The following GALNTL6 variants were observed in gnomAD, a reference collection of about 807,000 sequenced individuals.
GALNTL6 encodes polypeptide N-acetylgalactosaminyltransferase-like 6.
Under a neutral mutation model 73.7 loss-of-function variants are expected in GALNTL6, and 46 were observed. The ratio of observed to expected loss-of-function variants is 0.62; its 90% CI spans 0.49 to 0.80. The LOEUF is 0.80. Ranked by LOEUF, GALNTL6 falls within the 30% of genes least tolerant of loss-of-function variation. GALNTL6 has a pLI of 0.00. For synonymous variants in GALNTL6, 259 were observed against 263.7 expected, an observed-to-expected ratio of 0.98 and a Z score of 0.17; for missense variants, 604 against 755.0, an observed-to-expected ratio of 0.80 and a Z score of 2.34.
chr4:173,000,315 T>C (rs1416834815), intron 10 of GALNTL6, among the ~76,000 whole-genome samples: 1 of 152,206 alleles, frequency 6.6e-6, no homozygotes, highest in Non-Finnish European at 1.5e-5. Flanking sequence ...CTACATTATA[T>C]GTCTCCCGAA....
chr4:171,948,029 A>G (rs556360925), intron 2 of GALNTL6, among the ~76,000 whole-genome samples: 1 of 152,298 alleles, frequency 6.6e-6, no homozygotes, highest in Non-Finnish European at 1.5e-5. Context: ...ACAAGGTTTC[A>G]CTATTTCATT....
chr4:172,665,422 G>A (rs192509761), intron 5 of GALNTL6, among the ~76,000 whole-genome samples: 22 of 152,290 alleles, frequency 1.4e-4, no homozygotes, highest in Admixed American at 6.5e-4. Context: ...AAGGCACACA[G>A]CCATGGTTAA....
intron 2 of GALNTL6, among the ~76,000 whole-genome samples, chr4:171,938,415 C>T (rs928897091): frequency 6.6e-6 from 1 of 152,074 alleles, no homozygotes; most frequent in African/African-American, 2.4e-5. Flanking sequence ...CATTTCTGTG[C>T]AATGCCCCAA....
chr4:172,791,629 T>A (rs1245411479), intron 5 of GALNTL6, among the ~76,000 whole-genome samples: 5 of 151,958 alleles, frequency 3.3e-5, no homozygotes, highest in Non-Finnish European at 7.4e-5. Flanking sequence ...GAGTAAGAAG[T>A]GGGGAAGAAA....
intron 5 of GALNTL6, among the ~76,000 whole-genome samples, chr4:172,500,330 A>G (rs1223372080): frequency 6.6e-6 from 1 of 152,174 alleles, no homozygotes; most frequent in African/African-American, 2.4e-5. Context: ...CTGAGACAGG[A>G]GGATGGCTTG....
chr4:172,000,000 T>A (rs1460078388), intron 2 of GALNTL6, among the ~76,000 whole-genome samples: 1 of 152,124 alleles, frequency 6.6e-6, no homozygotes, highest in Non-Finnish European at 1.5e-5. Flanking sequence ...AAGTTTTCTT[T>A]TGGAGAATTA....
At chr4:172,409,421 C>G (rs1223414285) in intron 5 of GALNTL6, among the ~76,000 whole-genome samples, 1 of 151,870 alleles carries the variant, frequency 6.6e-6, no homozygotes, top group Non-Finnish European at 1.5e-5. Context: ...TTTTGTAATG[C>G]ATGCTACTAC....
At position 172,809,454 on chromosome 4, in the gene GALNTL6, G is replaced by A. The variant is rs189797609; in HGVS notation, c.647G>A (p.Arg216His). Reference protein sequence around the residue: ...TKKREGLIRTRLLGASMARGE... With the variant: ...TKKREGLIRTHLLGASMARGE... Reference sequence around the variant, plus strand: ...AAAAGAGAAGGACTCATCCGGACCCGTCTCCTGGGGGCATCTATGGCCAGA... The same window carrying A: ...AAAAGAGAAGGACTCATCCGGACCCATCTCCTGGGGGCATCTATGGCCAGA... Residue 216 changes from arginine to histidine, a missense_variant, in exon 6 of 13, where the codon CGT (arginine) becomes CAT (histidine). This residue lies in a region of GALNTL6 where 179 missense variants were observed against 230.8 expected (regional missense o/e 0.78). Coordinates refer to ENST00000506823, the MANE Select transcript of GALNTL6 (RefSeq NM_001034845.3). The surrounding 1 kb of genome is among the most constrained non-coding windows in gnomAD (Gnocchi z 4.4). 5.6e-6 allele frequency: 9 copies of A among 1,613,664 alleles called. No individual in the cohort carries two copies. Among genetic ancestry groups the A allele is most frequent in the Non-Finnish European group, 7.6e-6 (9 of 1,179,816 alleles).
chr4:172,461,203 A>G (rs1453000693), intron 5 of GALNTL6, among the ~76,000 whole-genome samples: 4 of 150,994 alleles, frequency 2.6e-5, no homozygotes, highest in Non-Finnish European at 5.9e-5. Flanking sequence ...AAGATCACAC[A>G]CTGGGACCTG....
At chr4:172,223,257 G>A (rs887204420) in intron 2 of GALNTL6, among the ~76,000 whole-genome samples, 2 of 152,002 alleles carry the variant, frequency 1.3e-5, no homozygotes, top group Admixed American at 6.6e-5. Context: ...AATTTATTCA[G>A]AATGTAAATA....
chr4:173,028,013 GA>G (rs769804130), intron 12 of GALNTL6, among the ~76,000 whole-genome samples: 8 of 152,090 alleles, frequency 5.3e-5, no homozygotes, highest in Non-Finnish European at 7.4e-5. Flanking sequence ...GCATCACTAA[GA>G]AAAATCTTAA....
At chr4:171,948,975 A>G (rs1363478346) in intron 2 of GALNTL6, among the ~76,000 whole-genome samples, 5 of 151,992 alleles carry the variant, frequency 3.3e-5, no homozygotes. Context: ...ACACACACAC[A>G]CACACACACA....
At chr4:172,096,084 C>CGGTGTGTGTGTGTG (rs1553992000) in intron 2 of GALNTL6, among the ~76,000 whole-genome samples, 2 of 147,078 alleles carry the variant, frequency 1.4e-5, no homozygotes, top group African/African-American at 5.0e-5. Context: ...CTCTCTCTTT[C>CGGTGTGTGTGTGTG]TGTGTGTGTG....
intron 7 of GALNTL6, among the ~76,000 whole-genome samples, chr4:172,828,778 T>C (rs568291830): frequency 4.1e-4 from 62 of 152,320 alleles, no homozygotes; most frequent in African/African-American, 1.4e-3. Flanking sequence ...AAGTCCACGC[T>C]GGCAATCTGG....
intron 5 of GALNTL6, among the ~76,000 whole-genome samples, chr4:172,516,162 G>T (rs1161518481): frequency 6.6e-6 from 1 of 152,102 alleles, no homozygotes; most frequent in Admixed American, 6.5e-5. Flanking sequence ...TGTTTTCAAT[G>T]TTAGCTATGT....
intron 5 of GALNTL6, among the ~76,000 whole-genome samples, chr4:172,692,618 T>A (rs904884254): frequency 3.9e-5 from 6 of 152,160 alleles, no homozygotes; most frequent in Admixed American, 3.9e-4. Flanking sequence ...GCAGCAAGCA[T>A]TTTTTTCTTT....
At chr4:171,967,261 A>G (rs1739411320) in intron 2 of GALNTL6, among the ~76,000 whole-genome samples, 1 of 152,216 alleles carries the variant, frequency 6.6e-6, no homozygotes, top group South Asian at 2.1e-4. Flanking sequence ...TTGAATGTCA[A>G]CAGGTGTGCT....
Position 172,380,095 on chromosome 4 carries a change from G to A in GALNTL6, c.553+31406G>A, listed in dbSNP as rs948664842. ...TGTTTATATGGCTTGGGCTTCGTTG[G>A]TGTTTCCACTGCTCCTCTGCATCAT... On this transcript the variant is annotated intron_variant, in intron 5 of 12. Transcript: ENST00000506823. 6 of 974,680 alleles carry A rather than the reference G, an allele frequency of 6.2e-6. No homozygotes were observed. The East Asian group carries it at 9.6e-5, about 16-fold the overall frequency. The allele number at this position is 974,680 out of a possible 1,614,324, so 60.4% of individuals were successfully genotyped here. A position where few individuals can be genotyped will look rare whatever the true frequency, so the allele number is the denominator to read the frequency against.
At chr4:172,452,042 A>G (rs948875280) in intron 5 of GALNTL6, among the ~76,000 whole-genome samples, 2 of 152,152 alleles carry the variant, frequency 1.3e-5, no homozygotes, top group Non-Finnish European at 2.9e-5. Flanking sequence ...TAAAAGTTAA[A>G]TTTGTTTCCA....
Sources: allele counts gnomAD v4.1 joint callset (sites outside exome capture counted in the v4.1 genomes callset), GRCh38; gene constraint gnomAD v4.1.1; regional missense constraint gnomAD v4.1.1; non-coding constraint Gnocchi (gnomAD v3.1); transcripts MANE v1.5; gene names NCBI Gene and HGNC (gene_info 2026-07-23, HGNC 2026-07-21).